Variants in COLEC10 observed in about 807,000 individuals in gnomAD.
COLEC10 encodes the protein collectin subfamily member 10.
A neutral mutation model predicts 28.4 loss-of-function variants in COLEC10; 22 were observed. That is an observed-to-expected ratio of 0.78 (90% CI 0.55 to 1.11). The LOEUF is 1.11. Among genes scored for constraint, COLEC10 ranks in the 50% least tolerant of loss-of-function variants. The pLI, the probability that COLEC10 is intolerant of heterozygous loss-of-function variation, is 0.00. For missense variants in COLEC10, 361 were observed against 344.1 expected (o/e 1.05, Z -0.39); for synonymous variants, 125 against 116.1 (o/e 1.08, Z -0.49).
the COLEC10 span, among the ~76,000 whole-genome samples, chr8:118,973,300 A>G: frequency 3.9e-5 from 6 of 152,098 alleles, no homozygotes; most frequent in African/African-American, 2.4e-5. Context: ...ATGGGTCAGG[A>G]GTCTTGGCAC....
rs1394753451 is a variant in COLEC10 at position 119,108,141 on chromosome 8, A to G, written c.*1950A>G. Among the ~76,000 whole-genome samples the G allele has an allele frequency of 6.6e-6, 1 of 152,188 alleles. No individual in the cohort carries two copies. Among genetic ancestry groups the G allele is most frequent in the East Asian group, 1.9e-4 (1 of 5,202 alleles). ...TTACTAGTTAAACTCTTTTGAGATGATAGTACATGACACTTTAAAGGCAGA... is the reference window on the plus strand; with the variant it reads ...TTACTAGTTAAACTCTTTTGAGATGGTAGTACATGACACTTTAAAGGCAGA... On this transcript the variant is annotated 3_prime_UTR_variant, in exon 6 of 6. Transcript: ENST00000332843.
chr8:119,045,061 A>T (rs1814564093), intron 2 of COLEC10, among the ~76,000 whole-genome samples: 1 of 152,206 alleles, frequency 6.6e-6, no homozygotes, highest in Admixed American at 6.5e-5. Context: ...CTTCCCTTGG[A>T]ATATGTATTA....
chr8:118,967,612 G>T, the COLEC10 span, among the ~76,000 whole-genome samples: 1 of 151,998 alleles, frequency 6.6e-6, no homozygotes, highest in Non-Finnish European at 1.5e-5. Flanking sequence ...TAAATTAATT[G>T]CTCAAACAAT....
the COLEC10 span, among the ~76,000 whole-genome samples, chr8:118,968,265 A>C: frequency 6.6e-6 from 1 of 151,862 alleles, no homozygotes; most frequent in South Asian, 2.1e-4. Context: ...GAATTTCTTT[A>C]GACAGTGTTT....
At position 119,091,010 on chromosome 8, in the gene COLEC10, A is replaced by G. The variant is rs190379408; in HGVS notation, c.221-139A>G. ...CATTATAAGTCTGTTAAACTAGACA[A>G]TATAGCATGGGATATATATTAGATA... On this transcript the variant is annotated intron_variant, in intron 2 of 5. Coordinates refer to ENST00000332843, the MANE Select transcript of COLEC10 (RefSeq NM_006438.5). 3.6e-5 allele frequency: 25 copies of G among 697,064 alleles called. 1 individual carries two copies. The highest frequency in any genetic ancestry group is 3.0e-4 in the South Asian group (18 of 60,416). 43.2% of individuals were successfully genotyped at this position (697,064 alleles called of 1,614,324 possible).
At chr8:118,979,868 G>A in the COLEC10 span, among the ~76,000 whole-genome samples, 36 of 152,196 alleles carry the variant, frequency 2.4e-4, no homozygotes, top group African/African-American at 7.9e-4. Flanking sequence ...TGATCAAGTT[G>A]AAGAGTCCAA....
intron 1 of COLEC10, among the ~76,000 whole-genome samples, chr8:119,075,400 C>T (rs1587044175): frequency 6.6e-6 from 1 of 152,160 alleles, no homozygotes; most frequent in Non-Finnish European, 1.5e-5. Context: ...TTTCTCTGCT[C>T]TTTTAGAAAA....
Position 119,029,077 on chromosome 8 carries a change from A to G in COLEC10, n.235+19524A>G, listed in dbSNP as rs145559185. On this transcript the variant is annotated intron_variant and non_coding_transcript_variant, in intron 2 of 6. Transcript: ENST00000521788. ...GTAAGTCCTCTCGCAGGGAATGTGC[A>G]ACATGTAACAGGGGCACCTCACTAG... 1.1e-4 allele frequency among the ~76,000 whole-genome samples: 16 copies of G among 152,228 alleles called. No individual in the cohort carries two copies. In the East Asian group the frequency reaches 2.5e-3, roughly 24 times the overall value.
At chr8:118,981,041 A>G in the COLEC10 span, among the ~76,000 whole-genome samples, 7,881 of 151,848 alleles carry the variant, frequency 0.052, 320 homozygotes, top group East Asian at 0.16. Flanking sequence ...ATATATATAT[A>G]TATTTCCTAG....
chr8:118,963,253 C>G, the COLEC10 span, among the ~76,000 whole-genome samples: 1 of 152,168 alleles, frequency 6.6e-6, no homozygotes, highest in Non-Finnish European at 1.5e-5. Flanking sequence ...TACCCATTTT[C>G]CAAATTAGGA....
the COLEC10 span, among the ~76,000 whole-genome samples, chr8:118,989,985 G>A: frequency 1.3e-5 from 2 of 152,046 alleles, no homozygotes; most frequent in African/African-American, 4.8e-5. Flanking sequence ...TCAAATTTTG[G>A]ATTTTGGGGT....
At chr8:119,093,750 A>G (rs1815657678) in intron 3 of COLEC10, among the ~76,000 whole-genome samples, 1 of 152,152 alleles carries the variant, frequency 6.6e-6, no homozygotes, top group Admixed American at 6.5e-5. Flanking sequence ...CCCATGGATG[A>G]TATATTTGTT....
At chr8:118,985,719 C>A in the COLEC10 span, among the ~76,000 whole-genome samples, 4 of 152,096 alleles carry the variant, frequency 2.6e-5, no homozygotes, top group South Asian at 8.3e-4. Context: ...TAAAGAAAAT[C>A]AGTGGTCTAG....
At chr8:119,014,155 T>C (rs1315006371) in intron 2 of COLEC10, among the ~76,000 whole-genome samples, 2 of 150,804 alleles carry the variant, frequency 1.3e-5, no homozygotes, top group Non-Finnish European at 2.9e-5. Flanking sequence ...TCACTTATTC[T>C]TTTTCTGATG....
the COLEC10 span, among the ~76,000 whole-genome samples, chr8:118,990,078 A>G: frequency 6.7e-6 from 1 of 150,078 alleles, no homozygotes; most frequent in Non-Finnish European, 1.5e-5. Flanking sequence ...TAGGGTACGT[A>G]ATTTCAAATC....
intron 1 of COLEC10, among the ~76,000 whole-genome samples, chr8:118,999,530 G>T (rs553386867): frequency 1.3e-5 from 2 of 151,544 alleles, no homozygotes; most frequent in African/African-American, 4.9e-5. Context: ...GGCGGAGGTT[G>T]CAGTGAGCCG....
intron 3 of COLEC10, among the ~76,000 whole-genome samples, chr8:119,097,678 C>T (rs563746102): frequency 2.6e-5 from 4 of 152,054 alleles, no homozygotes; most frequent in Middle Eastern, 3.4e-3. Flanking sequence ...GTATCAACTT[C>T]GTTAAACCAC....
intron 1 of COLEC10, among the ~76,000 whole-genome samples, chr8:119,001,013 C>T (rs1195627012): frequency 6.6e-6 from 1 of 152,154 alleles, no homozygotes; most frequent in Non-Finnish European, 1.5e-5. Context: ...ATGGTCTGGA[C>T]ATTACTGGGA....
At chr8:118,959,314 T>C in the COLEC10 span, among the ~76,000 whole-genome samples, 1 of 152,222 alleles carries the variant, frequency 6.6e-6, no homozygotes, top group Non-Finnish European at 1.5e-5. Flanking sequence ...GGGGCCTTTG[T>C]AGACTGAAAA....
Sources: allele counts gnomAD v4.1 joint callset (sites outside exome capture counted in the v4.1 genomes callset), GRCh38; gene constraint gnomAD v4.1.1; transcripts MANE v1.5; gene names NCBI Gene and HGNC (gene_info 2026-07-23, HGNC 2026-07-21).